Variants in CENPB observed in about 807,000 individuals in gnomAD.
CENPB encodes major centromere autoantigen B.
Under a neutral mutation model 41.9 loss-of-function variants are expected in CENPB, and 19 were observed. That is an observed-to-expected ratio of 0.45 (90% CI 0.32 to 0.67). CENPB has a LOEUF of 0.67. Among genes scored for constraint, CENPB ranks in the 30% least tolerant of loss-of-function variants. CENPB has a pLI of 0.04. For synonymous variants in CENPB, 399 were observed against 354.4 expected (o/e 1.13, Z -1.41); for missense variants, 614 against 816.2 (o/e 0.75, Z 3.02).
chr20:3,784,018 C>G lies in CENPB; in HGVS notation c.*666G>C, dbSNP rs1374627219. On this transcript the variant is annotated 3_prime_UTR_variant, in exon 1 of 1. Transcript: ENST00000379751. This position sits in a 1 kb window ranked among gnomAD's most constrained non-coding sequence, Gnocchi z 5.2. ...GGAGAGGCATGGGGCCTGCAGCTGC[C>G]CACAAGGAAGCGCCCTTGGTTACTT... The G allele has an allele frequency of 6.5e-6, 1 of 152,960 alleles. No individual in the cohort carries two copies. The highest frequency in any genetic ancestry group is 1.5e-5 in the Non-Finnish European group (1 of 68,460). 9.5% of individuals were successfully genotyped at this position (152,960 alleles called of 1,614,324 possible). A position where few individuals can be genotyped will look rare whatever the true frequency, so the allele number is the denominator to read the frequency against.
rs1309939310 is a variant in CENPB at position 3,785,875 on chromosome 20, G to A, written c.609C>T (p.Phe203=). ...ACAGCCCCGCGGCCTGGTCGGGCAGGAAGTCGTACCATAGACTGGTCTCGG... is the reference window on the plus strand; with the variant it reads ...ACAGCCCCGCGGCCTGGTCGGGCAGAAAGTCGTACCATAGACTGGTCTCGG... ...SATETSLWYD[F]LPDQAAGLCG... is the part of the protein sequence containing the mutation. Residue 203 remains phenylalanine, a synonymous_variant, in exon 1 of 1, where the codon TTC becomes TTT. Coordinates refer to ENST00000379751, the MANE Select transcript of CENPB (RefSeq NM_001810.6). 1.2e-6 allele frequency: 2 copies of A among 1,608,632 alleles called. No homozygotes were observed. The highest frequency in any genetic ancestry group is 1.7e-5 in the Admixed American group (1 of 59,444).
rs1409852994 is a variant in CENPB at position 3,785,879 on chromosome 20, T to C, written c.605A>G (p.Asp202Gly). The change falls in exon 1 of 1, where the codon GAC becomes GGC. Residue 202 changes from aspartate to glycine, a missense_variant. This residue lies in a region of CENPB where 537 missense variants were observed against 629.4 expected (regional missense o/e 0.85). Coordinates refer to ENST00000379751, the MANE Select transcript of CENPB (RefSeq NM_001810.6). The part of the protein sequence containing the change: ...FSATETSLWY[D>G]FLPDQAAGLC... ...CCCCGCGGCCTGGTCGGGCAGGAAG[T>C]CGTACCATAGACTGGTCTCGGTGGC... is the stretch of plus-strand genomic sequence containing the variant. 21 of 1,608,362 alleles carry C rather than the reference T, an allele frequency of 1.3e-5. No individual in the cohort carries two copies. The highest frequency in any genetic ancestry group is 1.7e-5 in the Non-Finnish European group (20 of 1,178,574).
Position 3,784,935 on chromosome 20 carries a change from C to G in CENPB, c.1549G>C (p.Glu517Gln). ...GEDSDSDSEEEDDEEEDDEDE... is the reference protein window; with the variant it reads ...GEDSDSDSEEQDDEEEDDEDE... ...TCATCATCCTCTTCCTCATCGTCCT[C>G]TTCCTCACTGTCTGAATCAGAGTCC... The change falls in exon 1 of 1, where the codon GAG (glutamate) becomes CAG (glutamine). Residue 517 changes from glutamate (E) to glutamine (Q), a missense_variant. By Grantham distance (29) the Glu-to-Gln change is conservative. Coordinates refer to ENST00000379751, the MANE Select transcript of CENPB (RefSeq NM_001810.6). This position sits in a 1 kb window ranked among gnomAD's most constrained non-coding sequence, Gnocchi z 5.2. The G allele has an allele frequency of 6.2e-7, 1 of 1,614,024 alleles. No individual in the cohort carries two copies. The highest frequency in any genetic ancestry group is 8.5e-7 in the Non-Finnish European group (1 of 1,179,934).
In CENPB at chr20:3,786,634, C is replaced by A; in HGVS notation, c.-151G>T. 6.7e-6 allele frequency: 1 copy of A among 150,030 alleles called. No individual in the cohort carries two copies. The highest frequency in any genetic ancestry group is 2.0e-4 in the South Asian group (1 of 5,078). 9.3% of individuals were successfully genotyped at this position (150,030 alleles called of 1,614,324 possible). On this transcript the variant is annotated 5_prime_UTR_variant, in exon 1 of 1. Coordinates refer to ENST00000379751, the MANE Select transcript of CENPB (RefSeq NM_001810.6). ...CGGGCGCGGCGGCGGGGCGACGACC[C>A]GGCCGGGCCGGGGGCACCTCCGGGG...
At position 3,785,755 on chromosome 20, in the gene CENPB, C is replaced by A; in HGVS notation, c.729G>T (p.Val243=). The change falls in exon 1 of 1, where the codon GTG becomes GTT. Residue 243 remains valine (V), a synonymous_variant. Coordinates refer to ENST00000379751, the MANE Select transcript of CENPB (RefSeq NM_001810.6). The part of the protein sequence containing the change: ...ADGSEKLPPL[V]AGKSAKPRAG... The stretch of plus-strand genomic sequence containing the variant: ...CGCGGGGCTTGGCCGACTTGCCGGC[C>A]ACCAGCGGGGGCAGCTTCTCGCTGC... The A allele has an allele frequency of 6.2e-7, 1 of 1,608,782 alleles. No individual in the cohort carries two copies. The highest frequency in any genetic ancestry group is 8.5e-7 in the Non-Finnish European group (1 of 1,177,682).
Position 3,786,038 on chromosome 20 carries a change from C to CG in CENPB, c.445dup (p.Arg149ProfsTer238), listed in dbSNP as rs2088820870. ...CGGACTGGCAGGCGCCGCCGGGGTG[C>CG]GGGGGGCAGCGTTTCGCGCGCGGGC... is the stretch of plus-strand genomic sequence containing the variant. On this transcript the variant is annotated frameshift_variant, in exon 1 of 1. Transcript: ENST00000379751. LOFTEE classifies it high-confidence loss of function. 6.9e-7 allele frequency: 1 copy of CG among 1,457,780 alleles called. No homozygotes were observed. The highest frequency in any genetic ancestry group is 8.9e-7 in the Non-Finnish European group (1 of 1,118,780). 90.3% of individuals were successfully genotyped at this position (1,457,780 alleles called of 1,614,324 possible). A position where few individuals can be genotyped will look rare whatever the true frequency, so the allele number is the denominator to read the frequency against.
At position 3,785,051 on chromosome 20, in the gene CENPB, T is replaced by C; in HGVS notation, c.1433A>G (p.Gln478Arg). 1 of 1,614,068 alleles carries C rather than the reference T, an allele frequency of 6.2e-7. No individual in the cohort carries two copies. Among genetic ancestry groups the C allele is most frequent in the Middle Eastern group, 1.6e-4 (1 of 6,062 alleles). ...SEGLEAEDWA[Q>R]GVVEAGGSFG... ...GCTGCCACCGGCCTCCACTACTCCC[T>C]GGGCCCAGTCCTCAGCCTCCAAGCC... The change falls in exon 1 of 1, where the codon CAG (glutamine) becomes CGG (arginine). Residue 478 changes from glutamine (Q) to arginine (R), a missense_variant. Transcript: ENST00000379751.
chr20:3,784,900 G>GTCTTCA lies in CENPB; in HGVS notation c.1578_1583dup (p.Glu527_Asp528dup). The GTCTTCA allele has an allele frequency of 6.2e-7, 1 of 1,613,814 alleles. No homozygotes were observed. Among genetic ancestry groups the GTCTTCA allele is most frequent in the South Asian group, 1.1e-5 (1 of 91,054 alleles). ...CACCATCCTCCTCATCATCATCGTCGTCTTCATCTTCATCATCCTCTTCCT... is the reference window on the plus strand; with the variant it reads ...CACCATCCTCCTCATCATCATCGTCGTCTTCATCTTCATCTTCATCATCCTCTTCCT... On this transcript the variant is annotated inframe_insertion, in exon 1 of 1. Transcript: ENST00000379751. The surrounding 1 kb of genome is among the most constrained non-coding windows in gnomAD (Gnocchi z 5.2).
Position 3,786,194 on chromosome 20 carries a change from C to A in CENPB, c.290G>T (p.Gly97Val). 6.2e-7 allele frequency: 1 copy of A among 1,601,138 alleles called. No individual in the cohort carries two copies. Among genetic ancestry groups the A allele is most frequent in the Non-Finnish European group, 8.5e-7 (1 of 1,179,460 alleles). Reference protein sequence around the residue: ...QIRAAGLPVKGIILKEKALRI... With the variant: ...QIRAAGLPVKVIILKEKALRI... ...CAGCGCCTTCTCCTTGAGGATGATGCCCTTGACCGGCAGGCCGGCGGCGCG... is the reference window on the plus strand; with the variant it reads ...CAGCGCCTTCTCCTTGAGGATGATGACCTTGACCGGCAGGCCGGCGGCGCG... The change falls in exon 1 of 1, where the codon GGC becomes GTC. Residue 97 changes from glycine to valine, a missense_variant. Physicochemically the swap from Gly to Val is moderately radical, Grantham distance 109 (BLOSUM62 -3). Around this residue, in one of 2 missense-constraint regions of CENPB, gnomAD observed 77 missense variants for 186.8 expected, o/e 0.41. Coordinates refer to ENST00000379751, the MANE Select transcript of CENPB (RefSeq NM_001810.6).
At position 3,786,486 on chromosome 20, in the gene CENPB, C is replaced by A. The variant is rs370139399; in HGVS notation, c.-3G>T. 1.5e-6 allele frequency: 2 copies of A among 1,345,276 alleles called. No homozygotes were observed. The highest frequency in any genetic ancestry group is 1.6e-5 in the South Asian group (1 of 62,226). The allele number at this position is 1,345,276 out of a possible 1,614,324, so 83.3% of individuals were successfully genotyped here. ...AGCTGTCGCCTCTTGGGGCCCATCCCGGCGCGCCCCCCGCCCCGGGGCCCG... is the reference window on the plus strand; with the variant it reads ...AGCTGTCGCCTCTTGGGGCCCATCCAGGCGCGCCCCCCGCCCCGGGGCCCG... On this transcript the variant is annotated 5_prime_UTR_variant, in exon 1 of 1. Coordinates refer to ENST00000379751, the MANE Select transcript of CENPB (RefSeq NM_001810.6).
Position 3,785,573 on chromosome 20 carries a change from A to G in CENPB, c.911T>C (p.Leu304Ser). The G allele has an allele frequency of 5.0e-6, 8 of 1,601,484 alleles. No homozygotes were observed. Among genetic ancestry groups the G allele is most frequent in the Non-Finnish European group, 6.8e-6 (8 of 1,174,504 alleles). ...LLAGRLAAQS[L>S]DTSGLRHVQL... ...CACATGCCGCAGGCCCGAGGTGTCC[A>G]AGGACTGGGCAGCCAAGCGGCCGGC... Residue 304 changes from leucine to serine, a missense_variant, in exon 1 of 1, where the codon TTG becomes TCG. Physicochemically the swap from Leu to Ser is moderately radical, Grantham distance 145. Around this residue, in one of 2 missense-constraint regions of CENPB, gnomAD observed 537 missense variants for 629.4 expected, o/e 0.85. Coordinates refer to ENST00000379751, the MANE Select transcript of CENPB (RefSeq NM_001810.6).
At position 3,785,706 on chromosome 20, in the gene CENPB, C is replaced by A; in HGVS notation, c.778G>T (p.Asp260Tyr). ...PRAGQAGLPC[D>Y]YTANSKGGVT... ...CCACCCTTGGAGTTGGCGGTGTAGT[C>A]GCAGGGCAGGCCGGCTTGGCCTGCG... The change falls in exon 1 of 1, where the codon GAC becomes TAC. Residue 260 changes from aspartate (D) to tyrosine (Y), a missense_variant. Around this residue, in one of 2 missense-constraint regions of CENPB, gnomAD observed 537 missense variants for 629.4 expected, o/e 0.85. Coordinates refer to ENST00000379751, the MANE Select transcript of CENPB (RefSeq NM_001810.6). 1 of 1,608,826 alleles carries A rather than the reference C, an allele frequency of 6.2e-7. No homozygotes were observed. The highest frequency in any genetic ancestry group is 1.3e-5 in the African/African-American group (1 of 74,962).
At position 3,784,594 on chromosome 20, in the gene CENPB, CT is replaced by C; in HGVS notation, c.*89del. ...ACTAAAGGATCTGGGGCTCTGCACT[CT>C]GGCTCCATGCACAGCGGGTGCCCAG... On this transcript the variant is annotated 3_prime_UTR_variant, in exon 1 of 1. Coordinates refer to ENST00000379751, the MANE Select transcript of CENPB (RefSeq NM_001810.6). This position sits in a 1 kb window ranked among gnomAD's most constrained non-coding sequence, Gnocchi z 5.2. The C allele has an allele frequency of 2.7e-6, 4 of 1,468,604 alleles. No homozygotes were observed. The highest frequency in any genetic ancestry group is 3.7e-6 in the Non-Finnish European group (4 of 1,070,950). 91.0% of individuals were successfully genotyped at this position (1,468,604 alleles called of 1,614,324 possible).
Position 3,785,793 on chromosome 20 carries a change from C to T in CENPB, c.691G>A (p.Ala231Thr), listed in dbSNP as rs1178809396. The T allele has an allele frequency of 1.9e-6, 3 of 1,609,736 alleles. No homozygotes were observed. The highest frequency in any genetic ancestry group is 2.7e-5 in the African/African-American group (2 of 74,834). The change falls in exon 1 of 1, where the codon GCC becomes ACC. Residue 231 changes from alanine (A) to threonine (T), a missense_variant. Physicochemically the swap from Ala to Thr is moderately conservative, Grantham distance 58. This residue lies in a region of CENPB where 537 missense variants were observed against 629.4 expected (regional missense o/e 0.85). Transcript: ENST00000379751. ...ATQRLSVLLC[A>T]NADGSEKLPP... is the part of the protein sequence containing the mutation. ...AGCTTCTCGCTGCCGTCGGCATTGG[C>T]GCATAGCAGGACGCTCAGGCGCTGG...
chr20:3,785,127 C>T lies in CENPB; in HGVS notation c.1357G>A (p.Asp453Asn), dbSNP rs761720824. The change falls in exon 1 of 1, where the codon GAT becomes AAT. Residue 453 changes from aspartate to asparagine, a missense_variant. Asp to Asn is a conservative substitution (Grantham distance 23). Transcript: ENST00000379751. ...TCCTCTTCTTCATCACTATCAACAT[C>T]ACCCTCCTCCTCCACCTCCTCTTCC... Reference protein sequence around the residue: ...GEEEEVEEEGDVDSDEEEEED... With the variant: ...GEEEEVEEEGNVDSDEEEEED... 2.5e-6 allele frequency: 4 copies of T among 1,600,894 alleles called. No individual in the cohort carries two copies. Among genetic ancestry groups the T allele is most frequent in the Non-Finnish European group, 3.4e-6 (4 of 1,172,500 alleles).
chr20:3,784,675 T>C lies in CENPB; in HGVS notation c.*9A>G. On this transcript the variant is annotated 3_prime_UTR_variant, in exon 1 of 1. Coordinates refer to ENST00000379751, the MANE Select transcript of CENPB (RefSeq NM_001810.6). The surrounding 1 kb of genome is among the most constrained non-coding windows in gnomAD (Gnocchi z 5.2). ...AATCTAGGTTGGGGGCACAGCTAGGTCCAGTGACTCAGCTTTGATGTCCAA... is the reference window on the plus strand; with the variant it reads ...AATCTAGGTTGGGGGCACAGCTAGGCCCAGTGACTCAGCTTTGATGTCCAA... The C allele has an allele frequency of 5.0e-6, 8 of 1,613,460 alleles. No homozygotes were observed. The highest frequency in any genetic ancestry group is 6.8e-6 in the Non-Finnish European group (8 of 1,179,742).
rs1015973592 is a variant in CENPB, at chr20:3,786,701, G to C, written c.-218C>G. 68 of 146,712 alleles carry C rather than the reference G, an allele frequency of 4.6e-4. No homozygotes were observed. The South Asian group carries it at 0.012, about 25-fold the overall frequency. 9.1% of individuals were successfully genotyped at this position (146,712 alleles called of 1,614,324 possible). On this transcript the variant is annotated 5_prime_UTR_variant, in exon 1 of 1. Transcript: ENST00000379751. ...CGCCGGGCGGCGGGCGGCAGGCGAC[G>C]GGCGCAGACGAGGGCGGGCGGCGCG...
At position 3,786,382 on chromosome 20, in the gene CENPB, G is replaced by T; in HGVS notation, c.102C>A (p.Arg34=). ...TCAGCGTGGACGGCGGGATGTTGAA[G>T]CGCCGCGCGATCTCGCCCTTGCGCA... The part of the protein sequence containing the change: ...PDLRKGEIAR[R]FNIPPSTLST... The change falls in exon 1 of 1, where the codon CGC becomes CGA. Residue 34 remains arginine (R), a synonymous_variant. Transcript: ENST00000379751. 1 of 1,603,684 alleles carries T rather than the reference G, an allele frequency of 6.2e-7. No individual in the cohort carries two copies.
chr20:3,785,991 T>C lies in CENPB; in HGVS notation c.493A>G (p.Ser165Gly). 1 of 1,510,560 alleles carries C rather than the reference T, an allele frequency of 6.6e-7. No homozygotes were observed. Among genetic ancestry groups the C allele is most frequent in the Non-Finnish European group, 8.8e-7 (1 of 1,141,008 alleles). The allele number at this position is 1,510,560 out of a possible 1,614,324, so 93.6% of individuals were successfully genotyped here. ...CGCCAACCAGTAGTGCTCCCGCCACTGCCCTCCGAGGGCACCGCGGCCGGA... is the reference window on the plus strand; with the variant it reads ...CGCCAACCAGTAGTGCTCCCGCCACCGCCCTCCGAGGGCACCGCGGCCGGA... ...ASPAAVPSEG[S>G]GGSTTGWRAR... is the part of the protein sequence containing the mutation. Residue 165 changes from serine (S) to glycine (G), a missense_variant, in exon 1 of 1, where the codon AGT becomes GGT. This residue lies in a region of CENPB where 537 missense variants were observed against 629.4 expected (regional missense o/e 0.85). Coordinates refer to ENST00000379751, the MANE Select transcript of CENPB (RefSeq NM_001810.6).
Sources: allele counts gnomAD v4.1 joint callset, GRCh38; gene constraint gnomAD v4.1.1; regional missense constraint gnomAD v4.1.1; non-coding constraint Gnocchi (gnomAD v3.1); transcripts MANE v1.5; gene names NCBI Gene and HGNC (gene_info 2026-07-23, HGNC 2026-07-21).